Variants in ADGRV1 observed in about 807,000 individuals in gnomAD.
ADGRV1 encodes adhesion G protein-coupled receptor V1.
In ADGRV1, 359 loss-of-function variants were observed where a neutral mutation model predicts 596.2. The observed-to-expected ratio is 0.60, with a 90% confidence interval of 0.55 to 0.66. ADGRV1 has a LOEUF of 0.66. Ranked by LOEUF, ADGRV1 falls within the 30% of genes least tolerant of loss-of-function variation. The probability of loss-of-function intolerance (pLI) is 0.00; values close to 1 mark genes in which losing one functional copy is unlikely to be tolerated. For missense variants in ADGRV1, 7,274 were observed against 7,575.6 expected (o/e 0.96, Z 1.48); for synonymous variants, 2,681 against 2,679.2 (o/e 1.00, Z -0.02).
At chr5:90,773,744 G>A (rs1581078379) in intron 59 of ADGRV1, among the ~76,000 whole-genome samples, 1 of 152,138 alleles carries the variant, frequency 6.6e-6, no homozygotes, top group Non-Finnish European at 1.5e-5. Context: ...AATATACCAT[G>A]AATTGGATAT....
intron 83 of ADGRV1, among the ~76,000 whole-genome samples, chr5:90,868,450 T>A (rs2150483425): frequency 6.6e-6 from 1 of 152,172 alleles, no homozygotes; most frequent in East Asian, 1.9e-4. Context: ...TAAGAGATAA[T>A]TTAGAGTATG....
At chr5:91,029,571 C>G (rs530674553) in intron 85 of ADGRV1, among the ~76,000 whole-genome samples, 2 of 152,230 alleles carry the variant, frequency 1.3e-5, no homozygotes, top group East Asian at 3.9e-4. Flanking sequence ...ATGGTTGCAA[C>G]AATTTAAACA....
chr5:90,721,435 C>T (rs1055503165), intron 45 of ADGRV1, among the ~76,000 whole-genome samples: 1 of 151,310 alleles, frequency 6.6e-6, no homozygotes, highest in Non-Finnish European at 1.5e-5. Flanking sequence ...ACCTGGGAGG[C>T]GGAGCTTGCA....
chr5:91,077,641 C>G (rs1352529746), intron 86 of ADGRV1, among the ~76,000 whole-genome samples: 3 of 152,174 alleles, frequency 2.0e-5, no homozygotes, highest in African/African-American at 7.2e-5. Flanking sequence ...TTTTTGTGGC[C>G]CTTTGACTGC....
Position 90,652,581 on chromosome 5 carries a change from G to A in ADGRV1, c.3634+18G>A. 1.4e-6 allele frequency: 2 copies of A among 1,479,896 alleles called. No individual in the cohort carries two copies. The highest frequency in any genetic ancestry group is 3.7e-4 in the Middle Eastern group (2 of 5,384). The allele number at this position is 1,479,896 out of a possible 1,614,324, so 91.7% of individuals were successfully genotyped here. On this transcript the variant is annotated intron_variant, in intron 19 of 89. Coordinates refer to ENST00000405460, the MANE Select transcript of ADGRV1 (RefSeq NM_032119.4). ...CATTTCAGGTACTGTGTTTTTCCAT[G>A]TCTTATTTTATTTCCATGTCTTATT...
rs761315469 is a variant in ADGRV1 at position 91,020,138 on chromosome 5, C to T, written c.18152+34616C>T. Among the ~76,000 whole-genome samples, 3 of 151,978 alleles carry T rather than the reference C, an allele frequency of 2.0e-5. No homozygotes were observed. The East Asian group carries it at 5.8e-4, about 29-fold the overall frequency. On this transcript the variant is annotated intron_variant, in intron 85 of 89. Transcript: ENST00000405460. ...ATGGATGGCAAGTGATGCTCCTATC[C>T]GTATAAAGTTAACTGGTTTACATTA...
chr5:90,903,611 T>TA (rs1264523913), intron 83 of ADGRV1, among the ~76,000 whole-genome samples: 3 of 151,952 alleles, frequency 2.0e-5, no homozygotes, highest in Non-Finnish European at 2.9e-5. Flanking sequence ...TGTTTTCTTT[T>TA]AAAATTTTTT....
At chr5:91,114,570 G>A (rs1283157859) in intron 87 of ADGRV1, among the ~76,000 whole-genome samples, 3 of 151,994 alleles carry the variant, frequency 2.0e-5, no homozygotes, top group Non-Finnish European at 2.9e-5. Flanking sequence ...GGAAGGAAAT[G>A]GGTTTCAGGC....
chr5:91,135,391 A>G (rs373072078), intron 87 of ADGRV1, among the ~76,000 whole-genome samples: 1 of 152,200 alleles, frequency 6.6e-6, no homozygotes. Context: ...CCTTCCAACT[A>G]TAGGTGTTTT....
intron 83 of ADGRV1, among the ~76,000 whole-genome samples, chr5:90,948,115 T>A (rs907407750): frequency 2.6e-5 from 4 of 152,132 alleles, no homozygotes; most frequent in African/African-American, 7.2e-5. Context: ...ATAATTAACT[T>A]GATTTTAAAG....
At chr5:91,126,760 G>T (rs1366051875) in intron 87 of ADGRV1, among the ~76,000 whole-genome samples, 1 of 152,186 alleles carries the variant, frequency 6.6e-6, no homozygotes, top group Non-Finnish European at 1.5e-5. Flanking sequence ...CATTGCACTG[G>T]AAACAGGATT....
chr5:90,707,293 A>G (rs1346185179), intron 38 of ADGRV1, among the ~76,000 whole-genome samples: 2 of 152,166 alleles, frequency 1.3e-5, no homozygotes, highest in Non-Finnish European at 2.9e-5. Flanking sequence ...GGTTTATAAA[A>G]ATGGTACTCA....
At chr5:90,976,344 A>ATATG (rs1554185171) in intron 84 of ADGRV1, among the ~76,000 whole-genome samples, 1 of 143,356 alleles carries the variant, frequency 7.0e-6, no homozygotes, top group African/African-American at 2.6e-5. Flanking sequence ...ATATATATAT[A>ATATG]TATATGTATA....
chr5:90,745,982 T>A (rs1415449131), intron 52 of ADGRV1, among the ~76,000 whole-genome samples, 187 bp downstream of exon 52: 2 of 152,138 alleles, frequency 1.3e-5, no homozygotes, highest in Admixed American at 1.3e-4. Flanking sequence ...CAATTTACAG[T>A]CTTACACACT....
chr5:90,611,051 A>G (rs1762674607), intron 1 of ADGRV1, among the ~76,000 whole-genome samples: 1 of 149,866 alleles, frequency 6.7e-6, no homozygotes, highest in African/African-American at 2.5e-5. Flanking sequence ...GGCCAACCCT[A>G]TGACTCTGTT....
intron 85 of ADGRV1, among the ~76,000 whole-genome samples, chr5:91,036,730 A>G (rs986096892): frequency 6.6e-6 from 1 of 151,984 alleles, no homozygotes; most frequent in African/African-American, 2.4e-5. Flanking sequence ...CTCAAAAACT[A>G]TATATATTAT....
chr5:90,752,134 G>C (rs1208851966), intron 53 of ADGRV1, among the ~76,000 whole-genome samples: 6 of 152,096 alleles, frequency 3.9e-5, no homozygotes, highest in Non-Finnish European at 7.3e-5. Flanking sequence ...AATTGTGCTA[G>C]GCAATATAAG....
intron 38 of ADGRV1, among the ~76,000 whole-genome samples, chr5:90,707,845 G>T (rs557884657): frequency 8.6e-5 from 13 of 151,928 alleles, no homozygotes; most frequent in Non-Finnish European, 1.9e-4. Flanking sequence ...AAGATTAAGA[G>T]ACTGCAGGCC....
In ADGRV1 at chr5:90,728,682, A is replaced by G. The variant is rs772313027; in HGVS notation, c.10175A>G (p.Asn3392Ser). 1 of 1,609,182 alleles carries G rather than the reference A, an allele frequency of 6.2e-7. No homozygotes were observed. The highest frequency in any genetic ancestry group is 1.1e-5 in the South Asian group (1 of 90,490). The change falls in exon 49 of 90, where the codon AAT (asparagine) becomes AGT (serine). Residue 3392 changes from asparagine to serine, a missense_variant. Asn to Ser is a conservative substitution (Grantham distance 46). Around this residue, in one of 5 missense-constraint regions of ADGRV1, gnomAD observed 3,643 missense variants for 3,809.2 expected, o/e 0.96. Coordinates refer to ENST00000405460, the MANE Select transcript of ADGRV1 (RefSeq NM_032119.4). The stretch of plus-strand genomic sequence containing the variant: ...CATTTCCTTCAGGTCTTCAGGTGGA[A>G]TGGAGGAAGCTTCGTGTTGCATCAA... The part of the protein sequence containing the change: ...DSELTQVFRW[N>S]GGSFVLHQKL...
Sources: allele counts gnomAD v4.1 joint callset (sites outside exome capture counted in the v4.1 genomes callset), GRCh38; gene constraint gnomAD v4.1.1; regional missense constraint gnomAD v4.1.1; transcripts MANE v1.5; gene names NCBI Gene and HGNC (gene_info 2026-07-23, HGNC 2026-07-21).